The following TMEM108 variants were observed in gnomAD, a reference collection of about 807,000 sequenced individuals.
TMEM108 encodes cancer/testis antigen 124.
Under a neutral mutation model 35.1 loss-of-function variants are expected in TMEM108, and 12 were observed. The observed-to-expected ratio is 0.34, with a 90% CI of 0.22 to 0.55. The LOEUF (loss-of-function observed/expected upper bound fraction) is 0.55. Ranked by LOEUF, TMEM108 falls within the 20% of genes least tolerant of loss-of-function variation. TMEM108 has a pLI of 0.89. For synonymous variants in TMEM108, 287 were observed against 308.6 expected (o/e 0.93, Z 0.73); for missense variants, 680 against 753.3 (o/e 0.90, Z 1.14).
At chr3:133,342,603 T>C (rs71317403) in intron 3 of TMEM108, among the ~76,000 whole-genome samples, 6,870 of 112,966 alleles carry the variant, frequency 0.061, 279 homozygotes, top group South Asian at 0.13. Context: ...AAAATGAAAA[T>C]TCATGGCAAC....
chr3:133,309,065 C>G (rs2071086552), intron 3 of TMEM108, among the ~76,000 whole-genome samples: 1 of 152,188 alleles, frequency 6.6e-6, no homozygotes, highest in Non-Finnish European at 1.5e-5. Flanking sequence ...TTCAGAGATT[C>G]AACTTCTTCC....
At chr3:133,241,895 T>C (rs1410874523) in intron 3 of TMEM108, among the ~76,000 whole-genome samples, 3 of 152,170 alleles carry the variant, frequency 2.0e-5, no homozygotes, top group African/African-American at 7.2e-5. Context: ...ATTATAGGCA[T>C]GAGCCACCAC....
intron 3 of TMEM108, among the ~76,000 whole-genome samples, chr3:133,324,347 A>C (rs1196387748): frequency 6.6e-6 from 1 of 152,188 alleles, no homozygotes; most frequent in Non-Finnish European, 1.5e-5. Flanking sequence ...TCCCATCAAA[A>C]AGTGGGCAAA....
intron 2 of TMEM108, among the ~76,000 whole-genome samples, chr3:133,137,291 C>T (rs1352260757): frequency 2.0e-5 from 3 of 152,302 alleles, no homozygotes; most frequent in East Asian, 1.9e-4. Flanking sequence ...TGGCAACTAC[C>T]GTTCAAACCC....
intron 4 of TMEM108, chr3:133,388,133 G>A: frequency 1.0e-6 from 1 of 985,446 alleles, no homozygotes; most frequent in Non-Finnish European, 1.2e-6. Context: ...AACTGAGCTG[G>A]AGCTGAGGAA....
chr3:133,370,366 T>C (rs1352701077), intron 3 of TMEM108, among the ~76,000 whole-genome samples: 5 of 152,170 alleles, frequency 3.3e-5, no homozygotes. Flanking sequence ...ATAACTATAC[T>C]GGGATTATAG....
chr3:133,055,786 C>G (rs1943458855), intron 2 of TMEM108, among the ~76,000 whole-genome samples: 1 of 152,188 alleles, frequency 6.6e-6, no homozygotes. Flanking sequence ...GGGCCCATCA[C>G]AGACAAGGAA....
chr3:133,215,844 G>T (rs1257744837), intron 2 of TMEM108, among the ~76,000 whole-genome samples: 1 of 151,936 alleles, frequency 6.6e-6, no homozygotes, highest in African/African-American at 2.4e-5. Context: ...ATGGTGTTTG[G>T]AATGAGTATA....
chr3:133,370,915 T>TGCGTGC (rs1553770107), intron 3 of TMEM108, among the ~76,000 whole-genome samples: 3 of 135,664 alleles, frequency 2.2e-5, no homozygotes, highest in African/African-American at 9.1e-5. Context: ...TGTGTGTGTG[T>TGCGTGC]GTGTGTGCCA....
In TMEM108 at chr3:133,342,947, T is replaced by C. The variant is rs180693939; in HGVS notation, c.41-36805T>C. ...CCAACACAAAGAAATGATAGATGTT[T>C]GAGATGATGGATATGGCAATACCCT... On this transcript the variant is annotated intron_variant, in intron 3 of 5. Transcript: ENST00000321871. Among the ~76,000 whole-genome samples the C allele has an allele frequency of 2.8e-4, 42 of 151,870 alleles. No individual in the cohort carries two copies. The East Asian group carries it at 7.9e-3, about 29-fold the overall frequency.
chr3:133,280,382 A>G (rs561977503), intron 3 of TMEM108, among the ~76,000 whole-genome samples: 10 of 152,240 alleles, frequency 6.6e-5, no homozygotes, highest in African/African-American at 2.4e-4. Flanking sequence ...GTGCATTTCT[A>G]TTTATTTCCT....
chr3:133,093,089 A>C (rs1380936292), intron 2 of TMEM108, among the ~76,000 whole-genome samples: 1 of 151,372 alleles, frequency 6.6e-6, no homozygotes, highest in East Asian at 1.9e-4. Flanking sequence ...TCCTGGGTTC[A>C]AGTGATTCTC....
chr3:133,221,660 CTTTTTTTTTTTT>C (rs3078806), intron 2 of TMEM108, among the ~76,000 whole-genome samples: 4 of 60,358 alleles, frequency 6.6e-5, no homozygotes, highest in African/African-American at 1.2e-4. Context: ...ACATTGATTC[CTTTTTTTTTTTT>C]TTTTTTTTTT....
chr3:133,177,218 C>G (rs1231549004), intron 2 of TMEM108, among the ~76,000 whole-genome samples: 1 of 152,132 alleles, frequency 6.6e-6, no homozygotes, highest in African/African-American at 2.4e-5. Flanking sequence ...GGATTCACAG[C>G]CGAATTCTAC....
chr3:133,118,266 T>G (rs1057061378), intron 2 of TMEM108, among the ~76,000 whole-genome samples: 2 of 152,192 alleles, frequency 1.3e-5, no homozygotes, highest in Non-Finnish European at 2.9e-5. Context: ...TCAATGGTAA[T>G]AGTCTTAAAA....
At chr3:133,049,479 G>A (rs1943378423) in intron 2 of TMEM108, among the ~76,000 whole-genome samples, 2 of 152,106 alleles carry the variant, frequency 1.3e-5, no homozygotes, top group Admixed American at 1.3e-4. Flanking sequence ...CTTACATTTA[G>A]AATGATAGTA....
At chr3:133,240,162 G>T (rs1946293377) in intron 3 of TMEM108, among the ~76,000 whole-genome samples, 1 of 152,050 alleles carries the variant, frequency 6.6e-6, no homozygotes, top group Admixed American at 6.6e-5. Flanking sequence ...GGCTGTTTTT[G>T]GGGGGCTTGA....
intron 2 of TMEM108, among the ~76,000 whole-genome samples, chr3:133,212,424 C>T (rs1364793140): frequency 6.6e-6 from 1 of 152,096 alleles, no homozygotes; most frequent in Non-Finnish European, 1.5e-5. Flanking sequence ...CATTATACTC[C>T]CTGTAATCTC....
chr3:133,317,269 A>T (rs894097842), intron 3 of TMEM108, among the ~76,000 whole-genome samples: 3 of 152,064 alleles, frequency 2.0e-5, no homozygotes, highest in Non-Finnish European at 4.4e-5. Flanking sequence ...GATGGCCTTT[A>T]AAAAAAACTG....
Sources: gnomAD v4.1 joint callset for allele counts (sites outside exome capture counted in the v4.1 genomes callset) on GRCh38, gnomAD v4.1.1 for gene constraint, MANE v1.5 for transcripts, NCBI Gene and HGNC (gene_info 2026-07-23, HGNC 2026-07-21) for gene names.